AMDHD2: variants seen among roughly 807,000 people sequenced by gnomAD.
AMDHD2 encodes N-acetylglucosamine-6-phosphate deacetylase.
AMDHD2 carries 24 observed loss-of-function variants against 41.8 expected under a neutral mutation model. That is an observed-to-expected ratio of 0.57 (90% CI 0.42 to 0.81). The LOEUF (loss-of-function observed/expected upper bound fraction) is 0.81, where lower values mean the gene tolerates loss of function less well. Ranked by LOEUF, AMDHD2 falls within the 30% of genes least tolerant of loss-of-function variation. The pLI, the probability that AMDHD2 is intolerant of heterozygous loss-of-function variation, is 0.00. For missense variants in AMDHD2, 540 were observed against 588.5 expected (o/e 0.92, Z 0.85); for synonymous variants, 332 against 255.5 (o/e 1.30, Z -2.85).
intron 3 of AMDHD2, 52 bp downstream of exon 3, chr16:2,521,175 G>T: frequency 6.7e-7 from 1 of 1,499,116 alleles, no homozygotes; most frequent in South Asian, 1.3e-5. Context: ...AGCAACCAGC[G>T]CCCTCATTTT....
At position 2,527,527 on chromosome 16, in the gene AMDHD2, G is replaced by A; in HGVS notation, c.361-34G>A. 6.2e-7 allele frequency: 1 copy of A among 1,602,228 alleles called. No homozygotes were observed. The highest frequency in any genetic ancestry group is 8.5e-7 in the Non-Finnish European group (1 of 1,174,808). The stretch of plus-strand genomic sequence containing the variant: ...GCTGTGGCCTCTGGGAATGGGCTGT[G>A]GGGGACAGGGCTTTAACAGCTGGTT... On this transcript the variant is annotated intron_variant, in intron 3 of 10. Transcript: ENST00000293971. This position sits in a 1 kb window ranked among gnomAD's most constrained non-coding sequence, Gnocchi z 6.1.
intron 9 of AMDHD2, 106 bp from the exon 10 acceptor site, chr16:2,528,888 T>C (rs2066045974): frequency 6.1e-6 from 9 of 1,465,508 alleles, no homozygotes; most frequent in Non-Finnish European, 7.4e-6. Context: ...GGGTCCTTGT[T>C]AGCCTGCTGC....
Position 2,531,051 on chromosome 16 carries a change from C to T in AMDHD2, c.*1488C>T, listed in dbSNP as rs200698850. Reference sequence around the variant, plus strand: ...GCATCGCCTGTGCCCAGCTTGCTGGCTGTCAGTGCTTGATGTGCCCATCCT... The same window carrying T: ...GCATCGCCTGTGCCCAGCTTGCTGGTTGTCAGTGCTTGATGTGCCCATCCT... On this transcript the variant is annotated 3_prime_UTR_variant, in exon 11 of 11. Transcript: ENST00000293971. 1.1e-4 allele frequency: 183 copies of T among 1,595,584 alleles called. No individual in the cohort carries two copies. Among genetic ancestry groups the T allele is most frequent in the Admixed American group, 5.0e-4 (30 of 59,494 alleles).
In AMDHD2 at chr16:2,530,664, T is replaced by C. The variant is rs1567134963; in HGVS notation, c.*1101T>C. 8 of 1,614,120 alleles carry C rather than the reference T, an allele frequency of 5.0e-6. No homozygotes were observed. The highest frequency in any genetic ancestry group is 6.8e-6 in the Non-Finnish European group (8 of 1,180,022). ...CTGCTGCAAAGCCCAGTTAAGGAAA[T>C]GTCTCCAGGTCCAAAGAGATAGGAT... On this transcript the variant is annotated 3_prime_UTR_variant, in exon 11 of 11. Coordinates refer to ENST00000293971, the MANE Select transcript of AMDHD2 (RefSeq NM_001330449.2).
Position 2,527,923 on chromosome 16 carries a change from AGTT to A in AMDHD2, c.568_570del (p.Leu190del), listed in dbSNP as rs1268304454. The A allele has an allele frequency of 6.3e-7, 1 of 1,597,810 alleles. No individual in the cohort carries two copies. The highest frequency in any genetic ancestry group is 8.5e-7 in the Non-Finnish European group (1 of 1,178,660). On this transcript the variant is annotated inframe_deletion, in exon 5 of 11. Coordinates refer to ENST00000293971, the MANE Select transcript of AMDHD2 (RefSeq NM_001330449.2). This position sits in a 1 kb window ranked among gnomAD's most constrained non-coding sequence, Gnocchi z 6.1. The stretch of plus-strand genomic sequence containing the variant: ...GTCCGCATCGTGACGCTGGCCCCAG[AGTT>A]GGGCCGTAGCCACGAAGTGATCCGG...
At chr16:2,523,880 T>G (rs1175970303) in intron 3 of AMDHD2, among the ~76,000 whole-genome samples, 3 of 152,232 alleles carry the variant, frequency 2.0e-5, no homozygotes, top group Non-Finnish European at 4.4e-5. Flanking sequence ...CCAGGCCTCC[T>G]CTGCTAAGCC....
intron 3 of AMDHD2, among the ~76,000 whole-genome samples, chr16:2,525,589 G>T (rs1369114933): frequency 6.6e-6 from 1 of 152,020 alleles, no homozygotes; most frequent in East Asian, 1.9e-4. Context: ...CTGTCACCCA[G>T]GCTGGAGTGC....
In AMDHD2 at chr16:2,529,248, G is replaced by A. The variant is rs867601906; in HGVS notation, c.1141+153G>A. ...GGCTGCCAGCCTCAGTTGTAGCCCCGTGTTGCCATCAGGCCGGGCTTTCTG... is the reference window on the plus strand; with the variant it reads ...GGCTGCCAGCCTCAGTTGTAGCCCCATGTTGCCATCAGGCCGGGCTTTCTG... On this transcript the variant is annotated intron_variant, in intron 10 of 10. Coordinates refer to ENST00000293971, the MANE Select transcript of AMDHD2 (RefSeq NM_001330449.2). 79 of 1,052,798 alleles carry A rather than the reference G, an allele frequency of 7.5e-5. No individual in the cohort carries two copies. In the Middle Eastern group the frequency reaches 7.8e-3, roughly 104 times the overall value. 65.2% of individuals were successfully genotyped at this position (1,052,798 alleles called of 1,614,324 possible).
chr16:2,522,844 C>CTTTT (rs77502200), intron 3 of AMDHD2, among the ~76,000 whole-genome samples: 4 of 135,076 alleles, frequency 3.0e-5, no homozygotes, highest in African/African-American at 5.6e-5. Flanking sequence ...TAGTACTTAA[C>CTTTT]TTTTTTTTTT....
At position 2,529,651 on chromosome 16, in the gene AMDHD2, G is replaced by C; in HGVS notation, c.*88G>C. Reference sequence around the variant, plus strand: ...GGAGCTGGTCTCCAGGGAGTGAGTCGGGAGCCCTGCTGGATTGATGCCCAG... The same window carrying C: ...GGAGCTGGTCTCCAGGGAGTGAGTCCGGAGCCCTGCTGGATTGATGCCCAG... On this transcript the variant is annotated 3_prime_UTR_variant, in exon 11 of 11. Transcript: ENST00000293971. 5 of 1,579,312 alleles carry C rather than the reference G, an allele frequency of 3.2e-6. No individual in the cohort carries two copies. In the South Asian group the frequency reaches 3.4e-5, roughly 11 times the overall value.
chr16:2,525,829 C>A (rs958004411), intron 3 of AMDHD2, among the ~76,000 whole-genome samples: 27 of 152,324 alleles, frequency 1.8e-4, no homozygotes, highest in Middle Eastern at 3.4e-3. Flanking sequence ...CTGGCGTGAG[C>A]CACCGCGCCT....
rs778751390 is a variant in AMDHD2, at chr16:2,520,924, A to AG, written c.220+23dup. The AG allele has an allele frequency of 9.4e-6, 15 of 1,595,650 alleles. No individual in the cohort carries two copies. In the East Asian group the frequency reaches 1.4e-4, roughly 15 times the overall value. ...ATCAACGGTGCGGCCCGGGGCCGGC[A>AG]GGGGAACCCAGGGGAGGAGCTCTGA... On this transcript the variant is annotated intron_variant, in intron 2 of 10. Coordinates refer to ENST00000293971, the MANE Select transcript of AMDHD2 (RefSeq NM_001330449.2).
At chr16:2,522,669 T>TC (rs2065956481) in intron 3 of AMDHD2, among the ~76,000 whole-genome samples, 1 of 150,800 alleles carries the variant, frequency 6.6e-6, no homozygotes, top group Admixed American at 6.6e-5. Context: ...AGATCGAGAC[T>TC]CCATCTCAAA....
rs865999241 is a variant in AMDHD2, at chr16:2,531,022, T to G, written c.*1459T>G. ...AGGTTCTCAGCCGATGTGTTAGAGG[T>G]TGAGCATCGCCTGTGCCCAGCTTGC... On this transcript the variant is annotated 3_prime_UTR_variant, in exon 11 of 11. Transcript: ENST00000293971. 6.2e-7 allele frequency: 1 copy of G among 1,605,868 alleles called. No homozygotes were observed. Among genetic ancestry groups the G allele is most frequent in the African/African-American group, 1.3e-5 (1 of 74,706 alleles).
Position 2,520,844 on chromosome 16 carries a change from C to A in AMDHD2, c.159C>A (p.Asp53Glu), listed in dbSNP as rs1218223052. Residue 53 changes from aspartate to glutamate, a missense_variant, in exon 2 of 11, where the codon GAC becomes GAA. Physicochemically the swap from Asp to Glu is conservative, Grantham distance 45. Coordinates refer to ENST00000293971, the MANE Select transcript of AMDHD2 (RefSeq NM_001330449.2). ...TCTTTGAGGAGCGGCGCGTGGCCGA[C>A]GAGCGGCGGGACTGCGGGGGCCGCA... Reference protein sequence around the residue: ...KLFFEERRVADERRDCGGRIL... With the variant: ...KLFFEERRVAEERRDCGGRIL... 1 of 1,611,728 alleles carries A rather than the reference C, an allele frequency of 6.2e-7. No individual in the cohort carries two copies. The highest frequency in any genetic ancestry group is 2.2e-5 in the East Asian group (1 of 44,806).
chr16:2,528,882 C>T, intron 9 of AMDHD2, 112 bp from the exon 10 acceptor site: 4 of 1,461,084 alleles, frequency 2.7e-6, no homozygotes, highest in Non-Finnish European at 3.7e-6. Context: ...CCAGCAGGGT[C>T]CTTGTTAGCC....
chr16:2,529,843 T>A lies in AMDHD2; in HGVS notation c.*280T>A. ...GGGATGGCTGGGCTGTAGTTTAGCC[T>A]GGGCCTTGGGCCCCAGTGGGGGACA... On this transcript the variant is annotated 3_prime_UTR_variant, in exon 11 of 11. Transcript: ENST00000293971. 1 of 1,389,490 alleles carries A rather than the reference T, an allele frequency of 7.2e-7. No homozygotes were observed. The allele number at this position is 1,389,490 out of a possible 1,614,324, so 86.1% of individuals were successfully genotyped here.
In AMDHD2 at chr16:2,531,235, A is replaced by G. The variant is rs1471877929; in HGVS notation, c.*1672A>G. 1.4e-5 allele frequency: 13 copies of G among 921,258 alleles called. No individual in the cohort carries two copies. The highest frequency in any genetic ancestry group is 1.9e-5 in the Non-Finnish European group (12 of 617,336). The allele number at this position is 921,258 out of a possible 1,614,324, so 57.1% of individuals were successfully genotyped here. On this transcript the variant is annotated 3_prime_UTR_variant, in exon 11 of 11. Transcript: ENST00000293971. ...TGGAGGGTCGGGGAGGGGCTGGCAG[A>G]GATGGTTGGTCCACAGGGCTAGCCC...
intron 10 of AMDHD2, 187 bp downstream of exon 10, chr16:2,529,282 G>A (rs1299219088): frequency 5.5e-6 from 6 of 1,087,374 alleles, no homozygotes; most frequent in Non-Finnish European, 7.7e-6. Context: ...TGGTGTTGCA[G>A]ACAAGGCCAG....
Sources: gnomAD v4.1 joint callset for allele counts (sites outside exome capture counted in the v4.1 genomes callset) on GRCh38, gnomAD v4.1.1 for gene constraint, Gnocchi (gnomAD v3.1) non-coding constraint, MANE v1.5 for transcripts, NCBI Gene and HGNC (gene_info 2026-07-23, HGNC 2026-07-21) for gene names.